The following BEGAIN variants were observed in gnomAD, a reference collection of about 807,000 sequenced individuals.
The protein encoded by BEGAIN is brain enriched guanylate kinase associated.
BEGAIN carries 19 observed loss-of-function variants against 35.8 expected under a neutral mutation model. That is an observed-to-expected ratio of 0.53 (90% CI 0.37 to 0.78). The LOEUF (loss-of-function observed/expected upper bound fraction) is 0.78. BEGAIN is among the 30% of genes least tolerant of loss of function. The probability of loss-of-function intolerance (pLI) is 0.00; values close to 1 mark genes in which losing one functional copy is unlikely to be tolerated. For missense variants in BEGAIN, 795 were observed against 853.6 expected (o/e 0.93, Z 0.85); for synonymous variants, 462 against 388.6 (o/e 1.19, Z -2.22).
chr14:100,556,379 G>A (rs1171941505), intron 2 of BEGAIN, among the ~76,000 whole-genome samples: 1 of 152,210 alleles, frequency 6.6e-6, no homozygotes, highest in Non-Finnish European at 1.5e-5. Context: ...GCTGGGAGCT[G>A]GTACACCATG....
intron 5 of BEGAIN, among the ~76,000 whole-genome samples, chr14:100,541,380 C>G (rs924842193): frequency 6.6e-6 from 1 of 152,246 alleles, no homozygotes; most frequent in African/African-American, 2.4e-5. Flanking sequence ...ACAGTCCCAA[C>G]CCAGCCAGCA....
chr14:100,540,249 C>A, intron 6 of BEGAIN: 1 of 538,726 alleles, frequency 1.9e-6, no homozygotes. Flanking sequence ...AAACCGAGGG[C>A]AACCAGCAGC....
At position 100,537,814 on chromosome 14, in the gene BEGAIN, C is replaced by CA; in HGVS notation, c.*154dup. On this transcript the variant is annotated 3_prime_UTR_variant, in exon 7 of 7. Transcript: ENST00000554140. ...GTGGGGGACCCTCCCCTCAGGCCTACAGGGCTGGGGAGGAGAGGAGGTGCG... is the reference window on the plus strand; with the variant it reads ...GTGGGGGACCCTCCCCTCAGGCCTACAAGGGCTGGGGAGGAGAGGAGGTGCG... The CA allele has an allele frequency of 1.7e-6, 2 of 1,204,932 alleles. No homozygotes were observed. Among genetic ancestry groups the CA allele is most frequent in the South Asian group, 3.3e-5 (2 of 61,002 alleles). 74.6% of individuals were successfully genotyped at this position (1,204,932 alleles called of 1,614,324 possible).
rs369437054 is a variant in BEGAIN, at chr14:100,563,565, G to A, written c.71+4346C>T. Among the ~76,000 whole-genome samples the A allele has an allele frequency of 1.3e-5, 2 of 152,342 alleles. No homozygotes were observed. The highest frequency in any genetic ancestry group is 3.9e-4 in the East Asian group (2 of 5,180). On this transcript the variant is annotated intron_variant, in intron 2 of 6. Transcript: ENST00000554140. The surrounding 1 kb of genome is among the most constrained non-coding windows in gnomAD (Gnocchi z 4.2). ...GAAAATGCGCACGGCCTTCGCCGGT[G>A]AGGAAACCCAGCGGGCAGCAAACCA...
intron 2 of BEGAIN, among the ~76,000 whole-genome samples, chr14:100,562,296 ACAATG>A (rs984773408): frequency 6.6e-6 from 1 of 152,104 alleles, no homozygotes; most frequent in Admixed American, 6.5e-5. Flanking sequence ...GGCCCAGACC[ACAATG>A]CAATTAGTTC....
chr14:100,556,609 T>C (rs1169451777), intron 2 of BEGAIN, among the ~76,000 whole-genome samples: 1 of 152,170 alleles, frequency 6.6e-6, no homozygotes, highest in African/African-American at 2.4e-5. Flanking sequence ...GGAGCCCTCT[T>C]CTCCATCCTC....
rs747672495 is a variant in BEGAIN, at chr14:100,538,266, C to T, written c.1542G>A (p.Ala514=). The part of the protein sequence containing the change: ...GHLAEPCFLR[A]GGDLSLSPGR... ...CGGGACTGAGGCTCAGGTCGCCGCC[C>T]GCCCGCAGGAAGCAGGGCTCTGCCA... Residue 514 remains alanine, a synonymous_variant, in exon 7 of 7, where the codon GCG becomes GCA. Transcript: ENST00000554140. 21 of 1,566,056 alleles carry T rather than the reference C, an allele frequency of 1.3e-5. No individual in the cohort carries two copies. Among genetic ancestry groups the T allele is most frequent in the African/African-American group, 6.8e-5 (5 of 73,196 alleles).
At chr14:100,559,381 T>A (rs75628485) in intron 2 of BEGAIN, among the ~76,000 whole-genome samples, 6,549 of 152,256 alleles carry the variant, frequency 0.043, 283 homozygotes, top group African/African-American at 0.11. Flanking sequence ...ACACAGTCAA[T>A]GTGCAGGGGC....
chr14:100,572,754 G>A (rs1218422147), intron 1 of BEGAIN, among the ~76,000 whole-genome samples: 1 of 152,214 alleles, frequency 6.6e-6, no homozygotes, highest in East Asian at 1.9e-4. Context: ...CAAGGCGGCT[G>A]TGTGTAAGGG....
At chr14:100,583,692 C>CTTTTTTTTTTTTTTTT (rs56090356) in intron 1 of BEGAIN, among the ~76,000 whole-genome samples, 45 of 108,986 alleles carry the variant, frequency 4.1e-4, no homozygotes, top group Non-Finnish European at 5.7e-4. Flanking sequence ...GTTTTTCTTC[C>CTTTTTTTTTTTTTTTT]TTTTTTTTTT....
intron 1 of BEGAIN, among the ~76,000 whole-genome samples, chr14:100,571,164 C>T (rs1180949707): frequency 6.6e-6 from 1 of 152,212 alleles, no homozygotes; most frequent in Non-Finnish European, 1.5e-5. Context: ...ACACCTCTCC[C>T]CACCGTCTGC....
chr14:100,561,313 GGGCA>G (rs2034232671), intron 2 of BEGAIN, among the ~76,000 whole-genome samples: 1 of 152,212 alleles, frequency 6.6e-6, no homozygotes, highest in African/African-American at 2.4e-5. Flanking sequence ...CACCCGAGAC[GGGCA>G]GGCCACAACA....
chr14:100,572,192 C>T (rs895255162), intron 1 of BEGAIN, among the ~76,000 whole-genome samples: 4 of 152,192 alleles, frequency 2.6e-5, no homozygotes, highest in African/African-American at 4.8e-5. Flanking sequence ...ATCGTATCTT[C>T]GCAGAGCTCT....
intron 5 of BEGAIN, among the ~76,000 whole-genome samples, chr14:100,542,281 G>T (rs2031741386): frequency 6.6e-6 from 1 of 152,216 alleles, no homozygotes. Flanking sequence ...CAAGCCAGCC[G>T]GCCAGGGCAT....
chr14:100,553,378 AAG>A (rs1168910416), intron 2 of BEGAIN, among the ~76,000 whole-genome samples: 2 of 152,248 alleles, frequency 1.3e-5, no homozygotes, highest in East Asian at 1.9e-4. Context: ...CCAGGGCAGA[AAG>A]AGGGGAGGAA....
At position 100,568,427 on chromosome 14, in the gene BEGAIN, G is replaced by T; in HGVS notation, c.43-488C>A. On this transcript the variant is annotated intron_variant, in intron 1 of 6. Coordinates refer to ENST00000554140, the MANE Select transcript of BEGAIN (RefSeq NM_001385089.1). This position sits in a 1 kb window ranked among gnomAD's most constrained non-coding sequence, Gnocchi z 7.5. ...GGGGAATTCGGGGCCGTGCAGGATT[G>T]CAGAACCTGACACTCACACAATCCG... 1 of 1,281,818 alleles carries T rather than the reference G, an allele frequency of 7.8e-7. No individual in the cohort carries two copies. The highest frequency in any genetic ancestry group is 1.3e-5 in the South Asian group (1 of 79,946). 79.4% of individuals were successfully genotyped at this position (1,281,818 alleles called of 1,614,324 possible).
At position 100,576,013 on chromosome 14, in the gene BEGAIN, C is replaced by T. The variant is rs533773969; in HGVS notation, c.43-8074G>A. ...AGCTCACCACCCCTGGAGGAGCAGG[C>T]GGGGAAACAATGCTTATTAGGTGCC... On this transcript the variant is annotated intron_variant, in intron 1 of 6. Transcript: ENST00000554140. Among the ~76,000 whole-genome samples, 22 of 152,168 alleles carry T rather than the reference C, an allele frequency of 1.4e-4. No homozygotes were observed. The East Asian group carries it at 1.7e-3, about 12-fold the overall frequency.
At chr14:100,569,952 C>T (rs954471484) in intron 1 of BEGAIN, among the ~76,000 whole-genome samples, 2 of 152,060 alleles carry the variant, frequency 1.3e-5, no homozygotes, top group East Asian at 1.9e-4. Context: ...GCGCTTCCCA[C>T]GGCTCCTCAC....
intron 2 of BEGAIN, among the ~76,000 whole-genome samples, chr14:100,557,458 C>T (rs11847644): frequency 0.28 from 43,257 of 152,110 alleles, 7,122 homozygotes; most frequent in African/African-American, 0.45. Flanking sequence ...ATGGGGACCC[C>T]GTGCGGTCCC....
Sources: gnomAD v4.1 joint callset for allele counts (sites outside exome capture counted in the v4.1 genomes callset) on GRCh38, gnomAD v4.1.1 for gene constraint, Gnocchi (gnomAD v3.1) non-coding constraint, MANE v1.5 for transcripts, NCBI Gene and HGNC (gene_info 2026-07-23, HGNC 2026-07-21) for gene names.